ESRRG: variants seen among roughly 807,000 people sequenced by gnomAD.
The protein encoded by ESRRG is estrogen-related receptor gamma.
Under a neutral mutation model 44.0 loss-of-function variants are expected in ESRRG, and 13 were observed. That is an observed-to-expected ratio of 0.30 (90% CI 0.19 to 0.47). ESRRG has a LOEUF of 0.47. Ranked by LOEUF, ESRRG falls within the 20% of genes least tolerant of loss-of-function variation. The pLI is 1.00. For synonymous variants in ESRRG, 215 were observed against 214.6 expected, an observed-to-expected ratio of 1.00 and a Z score of -0.02; for missense variants, 395 against 580.6, an observed-to-expected ratio of 0.68 and a Z score of 3.29.
chr1:217,007,749 C>A (rs907591290), intron 1 of ESRRG, among the ~76,000 whole-genome samples: 2 of 152,130 alleles, frequency 1.3e-5, no homozygotes, highest in African/African-American at 4.8e-5. Flanking sequence ...TCCCTTCCCT[C>A]TTTTCTTCTG....
intron 3 of ESRRG, among the ~76,000 whole-genome samples, chr1:216,612,824 C>G (rs187116810): frequency 1.2e-4 from 19 of 152,322 alleles, no homozygotes; most frequent in African/African-American, 3.8e-4. Context: ...ATGGAAGTGG[C>G]AGAGACACCT....
At chr1:216,811,656 C>T (rs561308079) in intron 2 of ESRRG, among the ~76,000 whole-genome samples, 1 of 152,218 alleles carries the variant, frequency 6.6e-6, no homozygotes, top group African/African-American at 2.4e-5. Context: ...AGTTCTTATA[C>T]ACTACGCCAC....
chr1:216,935,912 G>C (rs1170729202), intron 2 of ESRRG, among the ~76,000 whole-genome samples: 1 of 152,110 alleles, frequency 6.6e-6, no homozygotes, highest in Non-Finnish European at 1.5e-5. Context: ...ATCGTGTCTG[G>C]CCCAGATTAG....
chr1:216,631,175 C>A (rs1428672096), intron 3 of ESRRG, among the ~76,000 whole-genome samples: 1 of 152,000 alleles, frequency 6.6e-6, no homozygotes, highest in Non-Finnish European at 1.5e-5. Flanking sequence ...ACCTGATAAA[C>A]TTTCAAGGAT....
intron 2 of ESRRG, among the ~76,000 whole-genome samples, chr1:216,664,623 C>T (rs12071221): frequency 0.34 from 50,275 of 146,744 alleles, 9,052 homozygotes; most frequent in South Asian, 0.44. Context: ...ATAAATTTGG[C>T]ATATCTATAA....
upstream of ESRRG, among the ~76,000 whole-genome samples, chr1:217,090,045 T>A (rs1172701118): frequency 1.3e-5 from 2 of 152,182 alleles, no homozygotes. Context: ...CTAAAAAAAA[T>A]TCCCGGCACT....
upstream of ESRRG, among the ~76,000 whole-genome samples, chr1:216,724,319 G>A (rs1429292798): frequency 6.7e-6 from 1 of 150,080 alleles, no homozygotes; most frequent in African/African-American, 2.4e-5. Flanking sequence ...GGTAAATAGC[G>A]AATTAAATCT....
At chr1:216,939,364 A>AAAAAAAAAAAAAAAAAAAAAAAAAAAC (rs1553720877) in intron 2 of ESRRG, among the ~76,000 whole-genome samples, 6 of 133,790 alleles carry the variant, frequency 4.5e-5, no homozygotes, top group African/African-American at 1.6e-4. Context: ...AAAAAAAAAA[A>AAAAAAAAAAAAAAAAAAAAAAAAAAAC]AAAAAACACT....
intron 3 of ESRRG, among the ~76,000 whole-genome samples, chr1:216,606,709 A>G (rs2059977567): frequency 6.6e-6 from 1 of 152,200 alleles, no homozygotes; most frequent in Non-Finnish European, 1.5e-5. Context: ...TTTGAAAGCA[A>G]TGGTGTATTT....
chr1:217,038,511 C>A (rs993362199), intron 1 of ESRRG, among the ~76,000 whole-genome samples: 11 of 152,310 alleles, frequency 7.2e-5, no homozygotes, highest in African/African-American at 2.2e-4. Context: ...CCTCATGGAA[C>A]CTGCCAAGGT....
At chr1:216,821,697 T>TA (rs1330755000) in intron 2 of ESRRG, among the ~76,000 whole-genome samples, 4 of 67,298 alleles carry the variant, frequency 5.9e-5, no homozygotes, top group African/African-American at 2.5e-4. Context: ...GAAAAATAAA[T>TA]AAATAAATAA....
intron 2 of ESRRG, among the ~76,000 whole-genome samples, chr1:216,747,140 A>T (rs1267397097): frequency 6.6e-6 from 1 of 152,168 alleles, no homozygotes; most frequent in Non-Finnish European, 1.5e-5. Flanking sequence ...GATTTTACCT[A>T]TTTGTGAGAT....
At chr1:217,078,663 T>G (rs1180793444) in intron 1 of ESRRG, among the ~76,000 whole-genome samples, 1 of 152,232 alleles carries the variant, frequency 6.6e-6, no homozygotes, top group Non-Finnish European at 1.5e-5. Flanking sequence ...TTCCTGTCTC[T>G]GCTGTCCTGA....
intron 1 of ESRRG, among the ~76,000 whole-genome samples, chr1:216,955,294 T>A (rs1182787833): frequency 6.6e-6 from 1 of 152,214 alleles, no homozygotes; most frequent in Non-Finnish European, 1.5e-5. Flanking sequence ...TCCAGGGTAT[T>A]TCTTTTCTTT....
At chr1:216,998,190 A>G (rs544295221) in intron 1 of ESRRG, among the ~76,000 whole-genome samples, 5 of 152,324 alleles carry the variant, frequency 3.3e-5, no homozygotes, top group African/African-American at 1.2e-4. Context: ...TTTTCAAGCC[A>G]TTGTTTCTGA....
At chr1:217,018,366 C>G (rs2079754798) in intron 1 of ESRRG, among the ~76,000 whole-genome samples, 1 of 152,190 alleles carries the variant, frequency 6.6e-6, no homozygotes, top group African/African-American at 2.4e-5. Context: ...AACCCATCCT[C>G]CACCTAGCAG....
Position 217,126,054 on chromosome 1 carries a change from G to A in ESRRG, c.-230+11613C>T, listed in dbSNP as rs948987022. Reference sequence around the variant, plus strand: ...ATGCACTCTCAGAAAAGCTGATCAAGAGATATTGTGGTAGAGGAGGCCTGA... The same window carrying A: ...ATGCACTCTCAGAAAAGCTGATCAAAAGATATTGTGGTAGAGGAGGCCTGA... On this transcript the variant is annotated intron_variant, in intron 1 of 8. Coordinates refer to the ESRRG transcript ENST00000366940. Among the ~76,000 whole-genome samples, 5 of 152,186 alleles carry A rather than the reference G, an allele frequency of 3.3e-5. No homozygotes were observed. In the East Asian group the frequency reaches 9.6e-4, roughly 29 times the overall value.
chr1:216,585,486 A>G (rs1168943281), intron 3 of ESRRG, among the ~76,000 whole-genome samples: 2 of 138,904 alleles, frequency 1.4e-5, no homozygotes, highest in African/African-American at 5.4e-5. Context: ...AAACTAAAAG[A>G]GTAAATAAAT....
intron 1 of ESRRG, among the ~76,000 whole-genome samples, chr1:217,113,178 T>C (rs1461228614): frequency 6.6e-6 from 1 of 152,120 alleles, no homozygotes; most frequent in African/African-American, 2.4e-5. Flanking sequence ...GTTGCAGACA[T>C]GGGCTTTTTT....
Sources: gnomAD v4.1 joint callset for allele counts (sites outside exome capture counted in the v4.1 genomes callset) on GRCh38, gnomAD v4.1.1 for gene constraint, MANE v1.5 for transcripts, NCBI Gene and HGNC (gene_info 2026-07-23, HGNC 2026-07-21) for gene names.